SLC22A23: variants seen among roughly 807,000 people sequenced by gnomAD.
SLC22A23 encodes solute carrier family 22 member 23.
In SLC22A23, 26 loss-of-function variants were observed where a neutral mutation model predicts 61.0. The ratio of observed to expected loss-of-function variants is 0.43; its 90% CI spans 0.31 to 0.59. The LOEUF (loss-of-function observed/expected upper bound fraction) is 0.59, where lower values mean the gene tolerates loss of function less well. SLC22A23 is among the 20% of genes least tolerant of loss of function. The pLI is 0.11. For missense variants in SLC22A23, 796 were observed against 934.7 expected (o/e 0.85, Z 1.94); for synonymous variants, 430 against 413.9 (o/e 1.04, Z -0.47).
chr6:3,395,455 A>C (rs1767946781), intron 3 of SLC22A23, among the ~76,000 whole-genome samples: 1 of 152,248 alleles, frequency 6.6e-6, no homozygotes. Flanking sequence ...GAGTAATAGG[A>C]AAACAGGCAA....
chr6:3,317,524 C>T lies in SLC22A23; in HGVS notation c.1082+6310G>A, dbSNP rs776906299. On this transcript the variant is annotated intron_variant, in intron 4 of 9. Transcript: ENST00000406686. This position sits in a 1 kb window ranked among gnomAD's most constrained non-coding sequence, Gnocchi z 4.4. ...TCTTGCATCTTCCCCGCCAACCCCTCGTTGTTGGCTGTGACCCTGGAAGGA... is the reference window on the plus strand; with the variant it reads ...TCTTGCATCTTCCCCGCCAACCCCTTGTTGTTGGCTGTGACCCTGGAAGGA... Among the ~76,000 whole-genome samples, 2 of 152,140 alleles carry T rather than the reference C, an allele frequency of 1.3e-5. No individual in the cohort carries two copies. The highest frequency in any genetic ancestry group is 2.9e-5 in the Non-Finnish European group (2 of 68,028).
intron 1 of SLC22A23, chr6:3,444,712 G>A: frequency 1.4e-5 from 12 of 830,984 alleles, no homozygotes; most frequent in Non-Finnish European, 1.6e-5. Flanking sequence ...CCGGTGACCT[G>A]TTTTGTTTTC....
At chr6:3,443,886 T>G (rs979950951) in intron 1 of SLC22A23, among the ~76,000 whole-genome samples, 2 of 152,130 alleles carry the variant, frequency 1.3e-5, no homozygotes, top group Non-Finnish European at 2.9e-5. Flanking sequence ...GGAACCGAGC[T>G]CACTTCTGGA....
In SLC22A23 at chr6:3,297,256, A is replaced by G. The variant is rs754152610; in HGVS notation, c.1210+835T>C. 4.0e-4 allele frequency among the ~76,000 whole-genome samples: 61 copies of G among 152,226 alleles called. No individual in the cohort carries two copies. The Middle Eastern group carries it at 0.01, about 25-fold the overall frequency. On this transcript the variant is annotated intron_variant, in intron 5 of 9. Coordinates refer to ENST00000406686, the MANE Select transcript of SLC22A23 (RefSeq NM_015482.2). The surrounding 1 kb of genome is among the most constrained non-coding windows in gnomAD (Gnocchi z 4.3). ...TCACAAGCATTTCTGGTCAGGGGGG[A>G]AAATGAGCATATTCTCTCTTGGACG... is the stretch of plus-strand genomic sequence containing the variant.
intron 9 of SLC22A23, among the ~76,000 whole-genome samples, chr6:3,280,512 T>TTTTC (rs781526188): frequency 0.011 from 1,052 of 98,314 alleles, 77 homozygotes; most frequent in African/African-American, 0.03. Context: ...TTTTTTTTTT[T>TTTTC]TGAGATGGAG....
At chr6:3,285,973 G>A (rs529080373) in intron 7 of SLC22A23, among the ~76,000 whole-genome samples, 17 of 152,278 alleles carry the variant, frequency 1.1e-4, no homozygotes, top group Non-Finnish European at 1.9e-4. Flanking sequence ...GCCTGTTCAC[G>A]TCGCGCCCTG....
At chr6:3,448,714 T>C (rs1157373360) in intron 1 of SLC22A23, among the ~76,000 whole-genome samples, 3 of 152,152 alleles carry the variant, frequency 2.0e-5, no homozygotes, top group African/African-American at 7.2e-5. Context: ...CAGGATGGTC[T>C]TGAACTCCTG....
chr6:3,283,830 TGG>T lies in SLC22A23; in HGVS notation c.1703+20_1703+21del. 6.2e-7 allele frequency: 1 copy of T among 1,613,108 alleles called. No individual in the cohort carries two copies. The highest frequency in any genetic ancestry group is 8.5e-7 in the Non-Finnish European group (1 of 1,179,576). ...TGATTTCCGAGAAGCCGGCGTCCCC[TGG>T]GGTGTCTCCCATGACGCACCTTATC... is the stretch of plus-strand genomic sequence containing the variant. On this transcript the variant is annotated intron_variant, in intron 9 of 9. Coordinates refer to ENST00000406686, the MANE Select transcript of SLC22A23 (RefSeq NM_015482.2).
At chr6:3,383,633 C>T (rs949434077) in intron 3 of SLC22A23, among the ~76,000 whole-genome samples, 33 of 152,280 alleles carry the variant, frequency 2.2e-4, no homozygotes, top group African/African-American at 7.5e-4. Flanking sequence ...GAAAAAGTGG[C>T]GCCAACCTTA....
intron 9 of SLC22A23, among the ~76,000 whole-genome samples, chr6:3,278,531 A>G (rs942974589): frequency 4.6e-5 from 7 of 152,242 alleles, no homozygotes; most frequent in African/African-American, 1.7e-4. Context: ...TTCAAGGGCA[A>G]GAATTATTTT....
intron 3 of SLC22A23, among the ~76,000 whole-genome samples, chr6:3,354,668 G>C (rs1764966181): frequency 6.6e-6 from 1 of 152,340 alleles, no homozygotes; most frequent in African/African-American, 2.4e-5. Context: ...AAGAGTGTTA[G>C]GGGGAAGTCA....
rs537132357 is a variant in SLC22A23, at chr6:3,449,818, G to A, written c.654+6088C>T. On this transcript the variant is annotated intron_variant, in intron 1 of 9. Transcript: ENST00000406686. ...TCCCACTTCTAAAAATTTCTTACAC[G>A]TGTGCAAATGTCTGTGCATGCCAAG... 1.2e-4 allele frequency among the ~76,000 whole-genome samples: 19 copies of A among 152,272 alleles called. No individual in the cohort carries two copies. In the East Asian group the frequency reaches 1.5e-3, roughly 12 times the overall value.
intron 5 of SLC22A23, among the ~76,000 whole-genome samples, chr6:3,293,497 G>T (rs9392474): frequency 6.6e-6 from 1 of 151,574 alleles, no homozygotes; most frequent in Non-Finnish European, 1.5e-5. Flanking sequence ...GTCCACAGGA[G>T]TCTTATCACG....
intron 3 of SLC22A23, among the ~76,000 whole-genome samples, chr6:3,399,423 C>T (rs911993527): frequency 2.0e-5 from 3 of 152,168 alleles, no homozygotes; most frequent in Non-Finnish European, 2.9e-5. Context: ...CTTCCTCAAG[C>T]AGCCATTCAT....
chr6:3,285,008 A>C, intron 8 of SLC22A23, 71 bp downstream of exon 8: 2 of 1,583,236 alleles, frequency 1.3e-6, no homozygotes, highest in Non-Finnish European at 1.7e-6. Context: ...CAGGTCCGTG[A>C]GTCTTCGAGA....
At chr6:3,432,662 C>T (rs948484530) in intron 1 of SLC22A23, among the ~76,000 whole-genome samples, 4 of 152,194 alleles carry the variant, frequency 2.6e-5, no homozygotes, top group East Asian at 1.9e-4. Flanking sequence ...GGATGACACA[C>T]GCACGCAAGC....
At position 3,360,585 on chromosome 6, in the gene SLC22A23, G is replaced by A. The variant is rs762697459; in HGVS notation, c.914-36583C>T. ...CACTTTGGGGCCTTTGCACACATCC[G>A]AGTCAACCTCAACAGTCTTAGTCCA... On this transcript the variant is annotated intron_variant, in intron 3 of 9. Coordinates refer to ENST00000406686, the MANE Select transcript of SLC22A23 (RefSeq NM_015482.2). This position sits in a 1 kb window ranked among gnomAD's most constrained non-coding sequence, Gnocchi z 4.6. Among the ~76,000 whole-genome samples, 1 of 152,212 alleles carries A rather than the reference G, an allele frequency of 6.6e-6. No homozygotes were observed. The highest frequency in any genetic ancestry group is 1.5e-5 in the Non-Finnish European group (1 of 68,040).
At chr6:3,450,824 C>G (rs1772126691) in intron 1 of SLC22A23, among the ~76,000 whole-genome samples, 1 of 152,106 alleles carries the variant, frequency 6.6e-6, no homozygotes, top group Non-Finnish European at 1.5e-5. Flanking sequence ...TAACTAGGAT[C>G]ATGGAATTGT....
At chr6:3,370,146 TC>T (rs1228431996) in intron 3 of SLC22A23, among the ~76,000 whole-genome samples, 2 of 152,228 alleles carry the variant, frequency 1.3e-5, no homozygotes, top group East Asian at 3.8e-4. Flanking sequence ...GAATTTTTTT[TC>T]CCTAAATTTA....
Sources: allele counts gnomAD v4.1 joint callset (sites outside exome capture counted in the v4.1 genomes callset), GRCh38; gene constraint gnomAD v4.1.1; non-coding constraint Gnocchi (gnomAD v3.1); transcripts MANE v1.5; gene names NCBI Gene and HGNC (gene_info 2026-07-23, HGNC 2026-07-21).